TAFA1: variants seen among roughly 807,000 people sequenced by gnomAD.
TAFA1 encodes chemokine-like protein TAFA-1.
In TAFA1, 4 loss-of-function variants were observed where a neutral mutation model predicts 18.5. The observed-to-expected ratio is 0.22, with a 90% CI of 0.11 to 0.49. The LOEUF is 0.49. Ranked by LOEUF, TAFA1 falls within the 20% of genes least tolerant of loss-of-function variation. The probability of loss-of-function intolerance (pLI) is 0.98; values close to 1 mark genes in which losing one functional copy is unlikely to be tolerated. For synonymous variants in TAFA1, 56 were observed against 55.2 expected (o/e 1.01, Z -0.06); for missense variants, 147 against 169.0 (o/e 0.87, Z 0.72).
At chr3:68,087,191 T>G (rs2106789147) in intron 2 of TAFA1, among the ~76,000 whole-genome samples, 1 of 152,322 alleles carries the variant, frequency 6.6e-6, no homozygotes, top group East Asian at 1.9e-4. Flanking sequence ...AAAGCTCTCA[T>G]ACTCAGCTAC....
At chr3:68,460,677 A>T (rs1333152723) in intron 3 of TAFA1, among the ~76,000 whole-genome samples, 1 of 152,284 alleles carries the variant, frequency 6.6e-6, no homozygotes, top group Non-Finnish European at 1.5e-5. Flanking sequence ...GTTGCCAGAG[A>T]TGAGAAAAGG....
intron 2 of TAFA1, among the ~76,000 whole-genome samples, chr3:68,318,324 T>A (rs2068639354): frequency 6.6e-6 from 1 of 152,020 alleles, no homozygotes; most frequent in African/African-American, 2.4e-5. Flanking sequence ...GATGATTGAG[T>A]TTTATGGAAA....
intron 3 of TAFA1, among the ~76,000 whole-genome samples, chr3:68,433,926 C>A (rs1434409203): frequency 6.6e-6 from 1 of 152,074 alleles, no homozygotes; most frequent in Non-Finnish European, 1.5e-5. Flanking sequence ...AGCACAGGAA[C>A]AATTCCCAGA....
chr3:68,479,241 A>AAAAAAT (rs1353493315), intron 3 of TAFA1, among the ~76,000 whole-genome samples: 85 of 123,628 alleles, frequency 6.9e-4, no homozygotes, highest in African/African-American at 1.5e-3. Context: ...AAAAAAAAAA[A>AAAAAAT]ATATATATAT....
At chr3:68,521,818 A>G (rs2073027826) in intron 3 of TAFA1, among the ~76,000 whole-genome samples, 1 of 149,750 alleles carries the variant, frequency 6.7e-6, no homozygotes, top group East Asian at 2.0e-4. Context: ...TGTGACAGAA[A>G]CATAGAAGTG....
chr3:68,231,071 A>C (rs2066864892), intron 2 of TAFA1, among the ~76,000 whole-genome samples: 1 of 152,188 alleles, frequency 6.6e-6, no homozygotes. Context: ...TTATATGTTT[A>C]CATTTTTTGT....
chr3:68,085,415 G>C (rs1468413381), intron 2 of TAFA1, among the ~76,000 whole-genome samples: 1 of 152,110 alleles, frequency 6.6e-6, no homozygotes, highest in Admixed American at 6.5e-5. Context: ...AACTTGCAGG[G>C]TTAGTGCACA....
chr3:68,009,987 C>T (rs1234526940), intron 2 of TAFA1, among the ~76,000 whole-genome samples: 1 of 152,118 alleles, frequency 6.6e-6, no homozygotes, highest in African/African-American at 2.4e-5. Flanking sequence ...TCGGTTAAAA[C>T]AAGTGACATG....
chr3:68,354,540 A>G (rs2069328597), intron 2 of TAFA1, among the ~76,000 whole-genome samples: 1 of 152,062 alleles, frequency 6.6e-6, no homozygotes, highest in South Asian at 2.1e-4. Context: ...AGAATATGAA[A>G]CATCTAGAAA....
chr3:68,526,454 A>G (rs1226769695), intron 3 of TAFA1, among the ~76,000 whole-genome samples: 2 of 152,174 alleles, frequency 1.3e-5, no homozygotes, highest in Non-Finnish European at 2.9e-5. Flanking sequence ...AGTTTTGCAA[A>G]TGAACTCAAT....
chr3:68,060,067 A>AG (rs745547304), intron 2 of TAFA1, among the ~76,000 whole-genome samples: 1 of 151,644 alleles, frequency 6.6e-6, no homozygotes, highest in East Asian at 1.9e-4. Flanking sequence ...GGCTTACTGA[A>AG]GGAAAAAAAA....
intron 2 of TAFA1, among the ~76,000 whole-genome samples, chr3:68,401,389 G>A (rs2070486854): frequency 6.6e-6 from 1 of 152,152 alleles, no homozygotes; most frequent in Non-Finnish European, 1.5e-5. Flanking sequence ...TTTGTATTGT[G>A]AATCGCAGAA....
chr3:68,249,567 G>A (rs2067152068), intron 2 of TAFA1, among the ~76,000 whole-genome samples: 1 of 152,034 alleles, frequency 6.6e-6, no homozygotes, highest in African/African-American at 2.4e-5. Flanking sequence ...AGTAAAAGGG[G>A]AATGGCTGCT....
At chr3:68,319,087 T>A (rs1036341262) in intron 2 of TAFA1, among the ~76,000 whole-genome samples, 1 of 152,180 alleles carries the variant, frequency 6.6e-6, no homozygotes, top group Non-Finnish European at 1.5e-5. Flanking sequence ...TTTGGCATAT[T>A]AAGACTATAA....
chr3:68,484,017 A>C (rs1313514567), intron 3 of TAFA1, among the ~76,000 whole-genome samples: 1 of 152,256 alleles, frequency 6.6e-6, no homozygotes, highest in Non-Finnish European at 1.5e-5. Flanking sequence ...AATGTGAATC[A>C]CACATGTGAC....
At chr3:68,044,221 A>G (rs551899310) in intron 2 of TAFA1, among the ~76,000 whole-genome samples, 1 of 152,218 alleles carries the variant, frequency 6.6e-6, no homozygotes, top group African/African-American at 2.4e-5. Context: ...CCCTTGCAGG[A>G]CTTACTGCAA....
intron 2 of TAFA1, among the ~76,000 whole-genome samples, chr3:68,255,562 A>C (rs2067281169): frequency 6.6e-6 from 1 of 152,096 alleles, no homozygotes; most frequent in South Asian, 2.1e-4. Context: ...TTTGGAGCTA[A>C]ATGTTGTCTC....
At chr3:68,270,326 A>G (rs1398128861) in intron 2 of TAFA1, among the ~76,000 whole-genome samples, 3 of 152,112 alleles carry the variant, frequency 2.0e-5, no homozygotes, top group African/African-American at 7.2e-5. Flanking sequence ...TATAAATGAT[A>G]GCTTCTAATA....
intron 3 of TAFA1, among the ~76,000 whole-genome samples, chr3:68,477,927 G>A (rs1258032676): frequency 3.9e-5 from 6 of 152,110 alleles, no homozygotes; most frequent in African/African-American, 1.4e-4. Context: ...GAGAGGCATG[G>A]ATCATCAGTA....
Sources: gnomAD v4.1 joint callset for allele counts (sites outside exome capture counted in the v4.1 genomes callset) on GRCh38, gnomAD v4.1.1 for gene constraint, MANE v1.5 for transcripts, NCBI Gene and HGNC (gene_info 2026-07-23, HGNC 2026-07-21) for gene names.